Variants in ST6GALNAC3 observed in about 807,000 individuals in gnomAD.
ST6GALNAC3 encodes alpha-N-acetylgalactosaminide alpha-2,6-sialyltransferase 3.
ST6GALNAC3 carries 25 observed loss-of-function variants against 32.7 expected under a neutral mutation model. The observed-to-expected ratio is 0.76, with a 90% CI of 0.56 to 1.07. The LOEUF is 1.07. Among genes scored for constraint, ST6GALNAC3 ranks in the 50% least tolerant of loss-of-function variants. The pLI, the probability that ST6GALNAC3 is intolerant of heterozygous loss-of-function variation, is 0.00. For synonymous variants in ST6GALNAC3, 129 were observed against 133.1 expected (o/e 0.97, Z 0.21); for missense variants, 355 against 382.4 (o/e 0.93, Z 0.60).
At chr1:76,174,659 TTTTC>T (rs1433876896) in intron 1 of ST6GALNAC3, among the ~76,000 whole-genome samples, 1 of 68,002 alleles carries the variant, frequency 1.5e-5, no homozygotes, top group East Asian at 1.6e-3. Flanking sequence ...TTTCTTTTTC[TTTTC>T]TTTTTTTTTT....
At chr1:76,279,710 T>C (rs974226060) in intron 1 of ST6GALNAC3, among the ~76,000 whole-genome samples, 15 of 152,174 alleles carry the variant, frequency 9.9e-5, no homozygotes, top group African/African-American at 3.6e-4. Context: ...GGAGGGCTCC[T>C]CAGGTTTTAG....
intron 1 of ST6GALNAC3, among the ~76,000 whole-genome samples, chr1:76,288,252 A>G (rs1855826): frequency 1.3e-5 from 2 of 152,200 alleles, no homozygotes. Flanking sequence ...ATCTTCTCCA[A>G]CCTTATACCC....
chr1:76,114,213 T>A (rs1309940190), intron 1 of ST6GALNAC3, among the ~76,000 whole-genome samples: 2 of 152,128 alleles, frequency 1.3e-5, no homozygotes, highest in Non-Finnish European at 2.9e-5. Context: ...AATGTATATA[T>A]ATTTAATGGT....
At chr1:76,423,487 A>G (rs547089745) in intron 3 of ST6GALNAC3, among the ~76,000 whole-genome samples, 3 of 152,138 alleles carry the variant, frequency 2.0e-5, no homozygotes, top group Admixed American at 2.0e-4. Flanking sequence ...ATTGAAAAAG[A>G]ACAGAAACAT....
intron 1 of ST6GALNAC3, among the ~76,000 whole-genome samples, chr1:76,117,616 G>T (rs1281916285): frequency 6.6e-6 from 1 of 151,912 alleles, no homozygotes; most frequent in Non-Finnish European, 1.5e-5. Context: ...GACTAGCTCT[G>T]AGCCTGCTAA....
chr1:76,484,902 A>G (rs1023400130), intron 3 of ST6GALNAC3, among the ~76,000 whole-genome samples: 1 of 152,180 alleles, frequency 6.6e-6, no homozygotes, highest in African/African-American at 2.4e-5. Context: ...TCCCATCAAT[A>G]CTTAATTTAT....
chr1:76,262,165 G>T lies in ST6GALNAC3; in HGVS notation c.19-51640G>T, dbSNP rs61192683. ...TGTCCCAGAAAAATGTGCTCAGCACGCTTTACCAATGATCCCTTAATCATC... is the reference window on the plus strand; with the variant it reads ...TGTCCCAGAAAAATGTGCTCAGCACTCTTTACCAATGATCCCTTAATCATC... On this transcript the variant is annotated intron_variant, in intron 1 of 4. Transcript: ENST00000328299. Among the ~76,000 whole-genome samples, 446 of 152,276 alleles carry T rather than the reference G, an allele frequency of 2.9e-3. 2 individuals carry two copies. Among genetic ancestry groups the T allele is most frequent in the African/African-American group, 0.01 (430 of 41,568 alleles).
At chr1:76,598,831 G>A (rs1040414784) in intron 3 of ST6GALNAC3, among the ~76,000 whole-genome samples, 2 of 151,944 alleles carry the variant, frequency 1.3e-5, no homozygotes, top group Admixed American at 6.6e-5. Flanking sequence ...TTCTTCAGTA[G>A]TACCAATGTC....
intron 3 of ST6GALNAC3, among the ~76,000 whole-genome samples, chr1:76,535,053 T>C (rs562538213): frequency 6.6e-6 from 1 of 152,276 alleles, no homozygotes; most frequent in African/African-American, 2.4e-5. Flanking sequence ...TAATCTTCAA[T>C]GTAAAATCAT....
chr1:76,409,584 G>A (rs1463407249), intron 2 of ST6GALNAC3, among the ~76,000 whole-genome samples: 2 of 151,932 alleles, frequency 1.3e-5, no homozygotes, highest in Non-Finnish European at 1.5e-5. Flanking sequence ...TAGGCAAATC[G>A]GTACATATGG....
intron 1 of ST6GALNAC3, among the ~76,000 whole-genome samples, chr1:76,297,010 T>C (rs1279072623): frequency 2.0e-5 from 3 of 152,050 alleles, no homozygotes; most frequent in Non-Finnish European, 4.4e-5. Flanking sequence ...AAAATCATCA[T>C]GTGTAGTTGA....
intron 1 of ST6GALNAC3, among the ~76,000 whole-genome samples, chr1:76,204,638 C>T (rs1654720846): frequency 6.6e-6 from 1 of 152,148 alleles, no homozygotes. Context: ...ATTCCTATTG[C>T]ACGACGTGTA....
chr1:76,512,539 T>G (rs1359301215), intron 3 of ST6GALNAC3, among the ~76,000 whole-genome samples: 2 of 152,172 alleles, frequency 1.3e-5, no homozygotes, highest in Admixed American at 6.5e-5. Flanking sequence ...CAAATCAAGG[T>G]GTTTAGTGTA....
intron 1 of ST6GALNAC3, among the ~76,000 whole-genome samples, chr1:76,094,266 A>C (rs1007689101): frequency 6.6e-6 from 1 of 152,162 alleles, no homozygotes; most frequent in East Asian, 1.9e-4. Flanking sequence ...GGTCAAGATG[A>C]ACTGCAGTAT....
At chr1:76,135,317 A>G (rs993760419) in intron 1 of ST6GALNAC3, among the ~76,000 whole-genome samples, 1 of 152,160 alleles carries the variant, frequency 6.6e-6, no homozygotes, top group Non-Finnish European at 1.5e-5. Flanking sequence ...GTGTTAATCT[A>G]TATTTTTTTA....
intron 2 of ST6GALNAC3, among the ~76,000 whole-genome samples, chr1:76,339,059 G>C (rs1323911953): frequency 6.6e-6 from 1 of 152,166 alleles, no homozygotes; most frequent in African/African-American, 2.4e-5. Flanking sequence ...TGAACCAGCT[G>C]TGGTTTGGAA....
At chr1:76,103,556 G>A (rs1011480816) in intron 1 of ST6GALNAC3, among the ~76,000 whole-genome samples, 6 of 152,036 alleles carry the variant, frequency 3.9e-5, no homozygotes, top group African/African-American at 1.2e-4. Flanking sequence ...ATTTTTATGA[G>A]TTCCATAGGA....
chr1:76,209,073 G>T (rs182577403), intron 1 of ST6GALNAC3, among the ~76,000 whole-genome samples: 301 of 152,122 alleles, frequency 2.0e-3, no homozygotes, highest in African/African-American at 6.7e-3. Context: ...GTTTTCTCTG[G>T]CCTTTTGTTA....
chr1:76,320,838 A>G (rs533916025), intron 2 of ST6GALNAC3, among the ~76,000 whole-genome samples: 27 of 152,282 alleles, frequency 1.8e-4, no homozygotes, highest in African/African-American at 6.0e-4. Flanking sequence ...ATACATGCAT[A>G]CATGTTCACA....
Sources: gnomAD v4.1 joint callset for allele counts (sites outside exome capture counted in the v4.1 genomes callset) on GRCh38, gnomAD v4.1.1 for gene constraint, MANE v1.5 for transcripts, NCBI Gene and HGNC (gene_info 2026-07-23, HGNC 2026-07-21) for gene names.